JMJD1C: variants seen among roughly 807,000 people sequenced by gnomAD.
The protein encoded by JMJD1C is jumonji domain containing 1C, also known as jumonji domain-containing protein 1C.
Under a neutral mutation model 245.3 loss-of-function variants are expected in JMJD1C, and 31 were observed. That is an observed-to-expected ratio of 0.13 (90% confidence interval 0.09 to 0.17). The LOEUF (loss-of-function observed/expected upper bound fraction) is 0.17, where lower values mean the gene tolerates loss of function less well. Ranked by LOEUF, JMJD1C falls within the 10% of genes least tolerant of loss-of-function variation. The pLI, the probability that JMJD1C is intolerant of heterozygous loss-of-function variation, is 1.00. For synonymous variants in JMJD1C, 1,057 were observed against 1,017.4 expected, an observed-to-expected ratio of 1.04 and a Z score of -0.74; for missense variants, 2,691 against 3,000.2, an observed-to-expected ratio of 0.90 and a Z score of 2.41.
In JMJD1C at chr10:63,197,421, C is replaced by T; in HGVS notation, c.5634G>A (p.Lys1878=). The change falls in exon 13 of 26, where the codon AAG becomes AAA. Residue 1878 remains lysine (K), a synonymous_variant. Transcript: ENST00000399262. ...AACTTATACACCAACCTCTAGAACT[C>T]TTCCTTTCCTTTGCCTTGTAACAAT... ...CLDCYKAKER[K]SSRDKELYAW... is the part of the protein sequence containing the mutation. The T allele has an allele frequency of 6.2e-7, 1 of 1,613,164 alleles. No individual in the cohort carries two copies. The highest frequency in any genetic ancestry group is 8.5e-7 in the Non-Finnish European group (1 of 1,179,738).
chr10:63,241,129 C>T (rs1219996286), intron 3 of JMJD1C, among the ~76,000 whole-genome samples: 1 of 152,188 alleles, frequency 6.6e-6, no homozygotes. Flanking sequence ...TACACACACA[C>T]TTAGAAATTT....
At chr10:63,260,857 C>T (rs1854628404) in intron 3 of JMJD1C, among the ~76,000 whole-genome samples, 1 of 152,064 alleles carries the variant, frequency 6.6e-6, no homozygotes, top group Non-Finnish European at 1.5e-5. Flanking sequence ...TCTCAAAGTG[C>T]TGGGATTACA....
intron 2 of JMJD1C, among the ~76,000 whole-genome samples, chr10:63,361,853 A>G (rs938531935): frequency 9.2e-5 from 14 of 152,230 alleles, no homozygotes; most frequent in African/African-American, 3.4e-4. Context: ...AAATGTACTT[A>G]ATTTTGGAAA....
intron 3 of JMJD1C, among the ~76,000 whole-genome samples, chr10:63,263,590 T>G (rs1564703109): frequency 6.6e-6 from 1 of 152,134 alleles, no homozygotes; most frequent in Non-Finnish European, 1.5e-5. Context: ...AACATCTGAG[T>G]AAAAAGAAAT....
chr10:63,449,378 T>TA (rs1951900565), intron 1 of JMJD1C, among the ~76,000 whole-genome samples: 2 of 152,164 alleles, frequency 1.3e-5, no homozygotes, highest in African/African-American at 4.8e-5. Flanking sequence ...ATTAAAACTT[T>TA]AGGCAAGATT....
intron 1 of JMJD1C, among the ~76,000 whole-genome samples, chr10:63,426,076 T>TTTAA (rs1950422235): frequency 6.6e-6 from 1 of 152,180 alleles, no homozygotes. Context: ...TGTGACACAA[T>TTTAA]GCATTTAAGA....
intron 24 of JMJD1C, among the ~76,000 whole-genome samples, chr10:63,174,071 C>A (rs1842648366): frequency 6.6e-6 from 1 of 152,158 alleles, no homozygotes; most frequent in Non-Finnish European, 1.5e-5. Flanking sequence ...GGAAATGAAA[C>A]TCACATAACC....
chr10:63,493,038 C>A (rs1015471016), intron 1 of JMJD1C, among the ~76,000 whole-genome samples: 5 of 152,194 alleles, frequency 3.3e-5, no homozygotes, highest in Non-Finnish European at 7.4e-5. Flanking sequence ...TTTTCAATTG[C>A]CTGAATTTCT....
At position 63,222,603 on chromosome 10, in the gene JMJD1C, G is replaced by C. The variant is rs548490288; in HGVS notation, c.448-2620C>G. 1.1e-5 allele frequency: 17 copies of C among 1,597,384 alleles called. No homozygotes were observed. In the South Asian group the frequency reaches 1.9e-4, roughly 18 times the overall value. On this transcript the variant is annotated intron_variant, in intron 3 of 25. Coordinates refer to ENST00000399262, the MANE Select transcript of JMJD1C (RefSeq NM_032776.3). ...ACAAAATTACCAATGTTTCTTCATT[G>C]TCGAAACTCACATGCTGAATTTTTG...
At chr10:63,251,618 G>A (rs1205129138) in intron 3 of JMJD1C, among the ~76,000 whole-genome samples, 6 of 152,172 alleles carry the variant, frequency 3.9e-5, no homozygotes, top group Non-Finnish European at 7.4e-5. Flanking sequence ...TCAGGAGGAA[G>A]CAGAACTATT....
intron 2 of JMJD1C, among the ~76,000 whole-genome samples, chr10:63,357,759 T>G (rs1306327217): frequency 6.6e-6 from 1 of 151,666 alleles, no homozygotes; most frequent in Non-Finnish European, 1.5e-5. Flanking sequence ...ATTTATTGAA[T>G]GAATGAAATT....
At chr10:63,205,979 G>C (rs997277485) in intron 10 of JMJD1C, among the ~76,000 whole-genome samples, 1 of 152,118 alleles carries the variant, frequency 6.6e-6, no homozygotes, top group Non-Finnish European at 1.5e-5. Flanking sequence ...GTGAGCCACT[G>C]TGCCCAGCTG....
At chr10:63,177,983 C>T (rs1425869673) in intron 22 of JMJD1C, 127 bp from the exon 23 acceptor site, 4 of 927,664 alleles carry the variant, frequency 4.3e-6, no homozygotes, top group Non-Finnish European at 6.3e-6. Flanking sequence ...TTTGGTCACC[C>T]AGGCTGGAGT....
At position 63,233,033 on chromosome 10, in the gene JMJD1C, T is replaced by C. The variant is rs548928341; in HGVS notation, c.448-13050A>G. 1.1e-4 allele frequency among the ~76,000 whole-genome samples: 16 copies of C among 152,302 alleles called. No individual in the cohort carries two copies. The South Asian group carries it at 3.3e-3, about 32-fold the overall frequency. On this transcript the variant is annotated intron_variant, in intron 3 of 25. Transcript: ENST00000399262. The stretch of plus-strand genomic sequence containing the variant: ...AAACTACAATGCTGTCTAATTCCAC[T>C]GAATATTTTAAGTTATTCTCTCTCA...
intron 2 of JMJD1C, among the ~76,000 whole-genome samples, chr10:63,333,239 C>A (rs1189432322): frequency 6.6e-6 from 1 of 152,092 alleles, no homozygotes; most frequent in Non-Finnish European, 1.5e-5. Context: ...AAAACAATAT[C>A]CATTCTCCTA....
intron 1 of JMJD1C, among the ~76,000 whole-genome samples, chr10:63,475,881 T>A (rs188902697): frequency 9.2e-5 from 14 of 152,130 alleles, no homozygotes; most frequent in African/African-American, 3.1e-4. Flanking sequence ...AGCAAATCAA[T>A]CCCCATCTTA....
chr10:63,179,575 C>G (rs2132841119), intron 22 of JMJD1C, among the ~76,000 whole-genome samples: 1 of 151,996 alleles, frequency 6.6e-6, no homozygotes, highest in South Asian at 2.1e-4. Context: ...GAGTTTGAGA[C>G]CAGCCTGAGT....
chr10:63,425,049 T>C (rs901882808), intron 1 of JMJD1C, among the ~76,000 whole-genome samples: 2 of 152,134 alleles, frequency 1.3e-5, no homozygotes, highest in Non-Finnish European at 2.9e-5. Context: ...CATAAACACC[T>C]AGAACTACAG....
At chr10:63,497,474 G>A (rs775840039) in intron 1 of JMJD1C, among the ~76,000 whole-genome samples, 4 of 152,168 alleles carry the variant, frequency 2.6e-5, no homozygotes, top group Admixed American at 6.5e-5. Context: ...GGATATTAGC[G>A]TTTGCCTCAG....
Sources: allele counts gnomAD v4.1 joint callset (sites outside exome capture counted in the v4.1 genomes callset), GRCh38; gene constraint gnomAD v4.1.1; transcripts MANE v1.5; gene names NCBI Gene and HGNC (gene_info 2026-07-23, HGNC 2026-07-21).